Variants in NTNG1 observed in about 807,000 individuals in gnomAD.
The protein encoded by NTNG1 is netrin G1.
Under a neutral mutation model 54.0 loss-of-function variants are expected in NTNG1, and 16 were observed. The observed-to-expected ratio is 0.30, with a 90% confidence interval of 0.20 to 0.45. The LOEUF is 0.45. Ranked by LOEUF, NTNG1 falls within the 20% of genes least tolerant of loss-of-function variation. NTNG1 has a pLI of 1.00. For synonymous variants in NTNG1, 255 were observed against 263.1 expected, an observed-to-expected ratio of 0.97 and a Z score of 0.30; for missense variants, 530 against 678.7, an observed-to-expected ratio of 0.78 and a Z score of 2.43.
intron 2 of NTNG1, among the ~76,000 whole-genome samples, chr1:107,204,950 G>A (rs1659066323): frequency 6.6e-6 from 1 of 152,102 alleles, no homozygotes; most frequent in African/African-American, 2.4e-5. Context: ...TGAGCTAAAA[G>A]CATCTTGGTC....
At chr1:107,246,093 C>T (rs1662175531) in intron 2 of NTNG1, among the ~76,000 whole-genome samples, 1 of 151,866 alleles carries the variant, frequency 6.6e-6, no homozygotes, top group South Asian at 2.1e-4. Context: ...GCTCTGTTGC[C>T]CAGGCTGGAG....
intron 2 of NTNG1, among the ~76,000 whole-genome samples, chr1:107,266,018 AT>A (rs982627364): frequency 1.3e-5 from 2 of 152,098 alleles, no homozygotes; most frequent in African/African-American, 2.4e-5. Context: ...CTTTCTTTGC[AT>A]TTTTTGGGCA....
At chr1:107,149,948 T>A (rs368805375) in intron 2 of NTNG1, among the ~76,000 whole-genome samples, 2 of 152,134 alleles carry the variant, frequency 1.3e-5, no homozygotes, top group Admixed American at 1.3e-4. Flanking sequence ...CTGTTCACAG[T>A]CCCCAGTGAG....
intron 3 of NTNG1, among the ~76,000 whole-genome samples, chr1:107,359,192 G>C (rs1342332164): frequency 6.6e-6 from 1 of 152,162 alleles, no homozygotes. Flanking sequence ...CTCAGTGTTT[G>C]TCTTTAGCAG....
At chr1:107,224,901 T>C (rs1660576418) in intron 2 of NTNG1, among the ~76,000 whole-genome samples, 1 of 152,172 alleles carries the variant, frequency 6.6e-6, no homozygotes, top group South Asian at 2.1e-4. Context: ...AATCATTAGC[T>C]CTAAATCTCT....
chr1:107,428,902 G>A (rs1057127261), intron 5 of NTNG1, among the ~76,000 whole-genome samples: 2 of 152,062 alleles, frequency 1.3e-5, no homozygotes, highest in Admixed American at 1.3e-4. Flanking sequence ...ATTATTGGTG[G>A]TAGTATTATT....
intron 7 of NTNG1, among the ~76,000 whole-genome samples, chr1:107,462,210 T>C: frequency 6.6e-6 from 1 of 152,184 alleles, no homozygotes; most frequent in East Asian, 1.9e-4. Flanking sequence ...AGTTTCTGTT[T>C]CGTGGAGAAA....
intron 3 of NTNG1, among the ~76,000 whole-genome samples, chr1:107,361,396 T>A (rs184627154): frequency 9.6e-5 from 13 of 136,088 alleles, no homozygotes; most frequent in Admixed American, 3.8e-4. Context: ...TATATATTTT[T>A]TTTTTTTTTT....
intron 2 of NTNG1, among the ~76,000 whole-genome samples, chr1:107,292,037 C>G (rs188035179): frequency 6.6e-6 from 1 of 151,690 alleles, no homozygotes; most frequent in Admixed American, 6.6e-5. Context: ...CAAAGAGAAG[C>G]GAGGAAGGCA....
intron 3 of NTNG1, among the ~76,000 whole-genome samples, chr1:107,376,575 T>C (rs1191496926): frequency 6.6e-6 from 1 of 152,154 alleles, no homozygotes; most frequent in South Asian, 2.1e-4. Flanking sequence ...TCCTACCCAC[T>C]CTGCCGTGCC....
chr1:107,275,678 C>T, intron 2 of NTNG1, among the ~76,000 whole-genome samples: 1 of 152,180 alleles, frequency 6.6e-6, no homozygotes, highest in East Asian at 1.9e-4. Flanking sequence ...AGGATGAGTT[C>T]TTTACTCAAG....
chr1:107,212,193 G>A (rs563646566), intron 2 of NTNG1, among the ~76,000 whole-genome samples: 111 of 152,030 alleles, frequency 7.3e-4, no homozygotes, highest in African/African-American at 2.3e-3. Context: ...TAGTAGCATC[G>A]CCCACACTTT....
chr1:107,226,545 G>A (rs184190806), intron 2 of NTNG1, among the ~76,000 whole-genome samples: 15 of 152,280 alleles, frequency 9.9e-5, no homozygotes, highest in African/African-American at 3.6e-4. Flanking sequence ...GCATATGGGA[G>A]TTTCTTACCC....
rs554194868 is a variant in NTNG1 at position 107,480,847 on chromosome 1, C to T, written c.*7C>T. The T allele has an allele frequency of 7.7e-5, 120 of 1,548,994 alleles. No individual in the cohort carries two copies. Among genetic ancestry groups the T allele is most frequent in the Non-Finnish European group, 9.7e-5 (111 of 1,145,202 alleles). ...CAGCCCCCTGGTGTTCTAGGTGTCA[C>T]CTCCAGCCACACCGGACGGGCCTGT... is the stretch of plus-strand genomic sequence containing the variant. On this transcript the variant is annotated 3_prime_UTR_variant, in exon 8 of 8. Coordinates refer to ENST00000370068, the MANE Select transcript of NTNG1 (RefSeq NM_001113226.3).
intron 3 of NTNG1, among the ~76,000 whole-genome samples, chr1:107,386,035 C>T (rs2101050755): frequency 7.0e-6 from 1 of 142,254 alleles, no homozygotes. Flanking sequence ...ATAGACTTGC[C>T]TATTCTGGAC....
chr1:107,377,056 C>T (rs184589593), intron 3 of NTNG1, among the ~76,000 whole-genome samples: 4 of 152,278 alleles, frequency 2.6e-5, no homozygotes, highest in East Asian at 1.9e-4. Flanking sequence ...GCTTCAGGGT[C>T]CCCCTGACTC....
At chr1:107,309,079 C>G (rs1023459228) in intron 2 of NTNG1, among the ~76,000 whole-genome samples, 1 of 152,162 alleles carries the variant, frequency 6.6e-6, no homozygotes, top group African/African-American at 2.4e-5. Flanking sequence ...TCATCAGTCC[C>G]TTGTTCTCAC....
intron 2 of NTNG1, among the ~76,000 whole-genome samples, chr1:107,247,667 A>T (rs148939797): frequency 1.5e-4 from 23 of 152,304 alleles, no homozygotes; most frequent in African/African-American, 4.6e-4. Context: ...CTGAATGTCA[A>T]ACTTGTAATG....
At chr1:107,439,092 C>A (rs368787219) in intron 7 of NTNG1, among the ~76,000 whole-genome samples, 1 of 152,088 alleles carries the variant, frequency 6.6e-6, no homozygotes, top group Non-Finnish European at 1.5e-5. Context: ...CCAACAATTA[C>A]GATAGAAGGT....
Sources: gnomAD v4.1 joint callset for allele counts (sites outside exome capture counted in the v4.1 genomes callset) on GRCh38, gnomAD v4.1.1 for gene constraint, MANE v1.5 for transcripts, NCBI Gene and HGNC (gene_info 2026-07-23, HGNC 2026-07-21) for gene names.